NKIRAS1: variants seen among roughly 807,000 people sequenced by gnomAD.
NKIRAS1 encodes NF-kappa-B inhibitor-interacting Ras-like protein 1.
In NKIRAS1, 16 loss-of-function variants were observed where a neutral mutation model predicts 19.8. The ratio of observed to expected loss-of-function variants is 0.81; its 90% CI spans 0.55 to 1.23. The LOEUF (loss-of-function observed/expected upper bound fraction) is 1.23, where lower values mean the gene tolerates loss of function less well. NKIRAS1 is among the 50% of genes most tolerant of loss of function. The pLI, the probability that NKIRAS1 is intolerant of heterozygous loss-of-function variation, is 0.00. For missense variants in NKIRAS1, 184 were observed against 220.0 expected, an observed-to-expected ratio of 0.84 and a Z score of 1.04; for synonymous variants, 88 against 79.0, an observed-to-expected ratio of 1.11 and a Z score of -0.61.
At chr3:23,897,338 C>T (rs902245765) in intron 4 of NKIRAS1, among the ~76,000 whole-genome samples, 6 of 152,252 alleles carry the variant, frequency 3.9e-5, no homozygotes, top group Non-Finnish European at 7.4e-5. Flanking sequence ...GCTTAATGTA[C>T]AGGATCTTGG....
chr3:23,928,112 A>G (rs1366940239), intron 1 of NKIRAS1, among the ~76,000 whole-genome samples: 1 of 150,948 alleles, frequency 6.6e-6, no homozygotes, highest in Non-Finnish European at 1.5e-5. Flanking sequence ...ACACACACAC[A>G]CACACACACA....
chr3:23,924,018 A>T (rs1705163994), intron 1 of NKIRAS1: 1 of 152,166 alleles, frequency 6.6e-6, no homozygotes, highest in Non-Finnish European at 1.5e-5. Flanking sequence ...GGGTCATATT[A>T]CTTCCCTCCA....
At chr3:23,925,077 A>T (rs1432887793) in intron 1 of NKIRAS1, among the ~76,000 whole-genome samples, 1 of 152,024 alleles carries the variant, frequency 6.6e-6, no homozygotes, top group African/African-American at 2.4e-5. Flanking sequence ...TCCCATGGCT[A>T]CTCCTGGGTT....
chr3:23,909,110 T>G (rs189850181), intron 3 of NKIRAS1, among the ~76,000 whole-genome samples: 143 of 152,290 alleles, frequency 9.4e-4, no homozygotes, highest in Admixed American at 8.9e-3. Context: ...ACCAAAAAAT[T>G]TGAGAACTAC....
At position 23,893,189 on chromosome 3, in the gene NKIRAS1, G is replaced by T; in HGVS notation, c.485C>A (p.Thr162Asn). Residue 162 changes from threonine (T) to asparagine (N), a missense_variant, in exon 5 of 5, where the codon ACT (threonine) becomes AAT (asparagine). Thr to Asn is a moderately conservative substitution (Grantham distance 65). Transcript: ENST00000425478. ...TDRKTLIEPF[T>N]LLASKLSQPQ... is the part of the protein sequence containing the mutation. ...TTGAGAAAGTTTACTGGCTAATAAA[G>T]TGAATGGTTCAATCAGAGTTTTCCG... 2 of 1,613,860 alleles carry T rather than the reference G, an allele frequency of 1.2e-6. No individual in the cohort carries two copies. The highest frequency in any genetic ancestry group is 1.3e-5 in the African/African-American group (1 of 75,026).
chr3:23,894,406 G>A (rs1275413541), intron 4 of NKIRAS1, among the ~76,000 whole-genome samples: 1 of 152,186 alleles, frequency 6.6e-6, no homozygotes, highest in African/African-American at 2.4e-5. Context: ...GTAAGGCCAT[G>A]CCTTGCTGGC....
rs1701410199 is a variant in NKIRAS1, at chr3:23,890,982, A to G, written c.*2113T>C. 1 of 156,348 alleles carries G rather than the reference A, an allele frequency of 6.4e-6. No homozygotes were observed. Among genetic ancestry groups the G allele is most frequent in the Non-Finnish European group, 1.4e-5 (1 of 70,624 alleles). The allele number at this position is 156,348 out of a possible 1,614,324, so 9.7% of individuals were successfully genotyped here. On this transcript the variant is annotated 3_prime_UTR_variant, in exon 5 of 5. Coordinates refer to ENST00000425478, the MANE Select transcript of NKIRAS1 (RefSeq NM_020345.4). The stretch of plus-strand genomic sequence containing the variant: ...TAAGACTACATACTTTTTGTTTAAA[A>G]CAAAATTGGAATTTGTTTTCCCTTC...
intron 1 of NKIRAS1, among the ~76,000 whole-genome samples, chr3:23,935,045 C>T (rs942493555): frequency 6.6e-6 from 1 of 152,122 alleles, no homozygotes; most frequent in Non-Finnish European, 1.5e-5. Context: ...TTAAAGCTTT[C>T]TCAGTTCTTT....
In NKIRAS1 at chr3:23,893,201, A is replaced by G. The variant is rs2125343873; in HGVS notation, c.473T>C (p.Ile158Thr). The change falls in exon 5 of 5, where the codon ATT (isoleucine) becomes ACT (threonine). Residue 158 changes from isoleucine to threonine, a missense_variant. By Grantham distance (89) the Ile-to-Thr change is moderately conservative. Coordinates refer to ENST00000425478, the MANE Select transcript of NKIRAS1 (RefSeq NM_020345.4). Reference protein sequence around the residue: ...EVTVTDRKTLIEPFTLLASKL... With the variant: ...EVTVTDRKTLTEPFTLLASKL... ...ACTGGCTAATAAAGTGAATGGTTCA[A>G]TCAGAGTTTTCCGATCTGTAACAGT... 1 of 1,614,108 alleles carries G rather than the reference A, an allele frequency of 6.2e-7. No homozygotes were observed. The highest frequency in any genetic ancestry group is 8.5e-7 in the Non-Finnish European group (1 of 1,179,986).
rs1705211055 is a variant in NKIRAS1 at position 23,926,323 on chromosome 3, A to AAT, written c.-139-14874_-139-14873insAT. 6.6e-6 allele frequency among the ~76,000 whole-genome samples: 1 copy of AAT among 152,182 alleles called. No homozygotes were observed. Among genetic ancestry groups the AAT allele is most frequent in the African/African-American group, 2.4e-5 (1 of 41,430 alleles). ...TGCCTTGGACTCCCAAAGTGCTGGG[A>AAT]TTATAGGTATGAGCCATGGCGCCCG... On this transcript the variant is annotated intron_variant, in intron 1 of 4. Transcript: ENST00000421515. The surrounding 1 kb of genome is among the most constrained non-coding windows in gnomAD (Gnocchi z 4.3).
rs571471231 is a variant in NKIRAS1 at position 23,941,116 on chromosome 3, G to A, written c.-140+5207C>T. Among the ~76,000 whole-genome samples, 10 of 152,332 alleles carry A rather than the reference G, an allele frequency of 6.6e-5. No individual in the cohort carries two copies. In the South Asian group the frequency reaches 1.7e-3, roughly 25 times the overall value. ...GGGCATAGAAAAGGCAATTTAAGTGGCATGTTGTTTCGGTATTAGGAGCTA... is the reference window on the plus strand; with the variant it reads ...GGGCATAGAAAAGGCAATTTAAGTGACATGTTGTTTCGGTATTAGGAGCTA... On this transcript the variant is annotated intron_variant, in intron 1 of 4. Coordinates refer to the NKIRAS1 transcript ENST00000421515.
At chr3:23,938,618 T>TA (rs1705439442) in intron 1 of NKIRAS1, among the ~76,000 whole-genome samples, 1 of 152,214 alleles carries the variant, frequency 6.6e-6, no homozygotes, top group South Asian at 2.1e-4. Flanking sequence ...TGCAAGAATA[T>TA]ATTCCATCTC....
rs149147301 is a variant in NKIRAS1 at position 23,890,204 on chromosome 3, A to C, written c.*2891T>G. Reference sequence around the variant, plus strand: ...TGAAGCCTTGACCGTTCCAGTCTCTACTGAACTCAGCCTAACACATAAGAG... The same window carrying C: ...TGAAGCCTTGACCGTTCCAGTCTCTCCTGAACTCAGCCTAACACATAAGAG... On this transcript the variant is annotated 3_prime_UTR_variant, in exon 5 of 5. Coordinates refer to ENST00000425478, the MANE Select transcript of NKIRAS1 (RefSeq NM_020345.4). Among the ~76,000 whole-genome samples the C allele has an allele frequency of 6.6e-6, 1 of 152,128 alleles. No individual in the cohort carries two copies. Among genetic ancestry groups the C allele is most frequent in the Admixed American group, 6.5e-5 (1 of 15,274 alleles).
upstream of NKIRAS1, chr3:23,920,189 G>A (rs1339886028): frequency 1.2e-5 from 12 of 985,658 alleles, no homozygotes; most frequent in Admixed American, 5.5e-4. Flanking sequence ...CCTTTCAAGT[G>A]TGAGCTTAGA....
intron 1 of NKIRAS1, chr3:23,945,672 G>A: frequency 1.3e-6 from 1 of 776,726 alleles, no homozygotes. Flanking sequence ...GGGGGCGGCG[G>A]CAGGGGGTGT....
chr3:23,941,759 C>A (rs1017778027), intron 1 of NKIRAS1, among the ~76,000 whole-genome samples: 1 of 152,114 alleles, frequency 6.6e-6, no homozygotes, highest in African/African-American at 2.4e-5. Flanking sequence ...AGCTCTATAG[C>A]CTCTACTAGT....
chr3:23,906,624 A>C (rs1703087566), intron 3 of NKIRAS1, among the ~76,000 whole-genome samples: 1 of 151,566 alleles, frequency 6.6e-6, no homozygotes, highest in African/African-American at 2.4e-5. Context: ...ATAAATAGTA[A>C]ATATATTTTT....
chr3:23,920,808 G>C (rs1185371971), upstream of NKIRAS1: 1 of 952,144 alleles, frequency 1.1e-6, no homozygotes, highest in Admixed American at 6.2e-5. Flanking sequence ...TGTAGAGGTT[G>C]TTCAACTGAA....
At chr3:23,899,169 G>C (rs911200604) in intron 4 of NKIRAS1, among the ~76,000 whole-genome samples, 1 of 152,190 alleles carries the variant, frequency 6.6e-6, no homozygotes, top group African/African-American at 2.4e-5. Context: ...GGGTTAAGGT[G>C]GGGGTGAAGA....
Sources: allele counts gnomAD v4.1 joint callset (sites outside exome capture counted in the v4.1 genomes callset), GRCh38; gene constraint gnomAD v4.1.1; non-coding constraint Gnocchi (gnomAD v3.1); transcripts MANE v1.5; gene names NCBI Gene and HGNC (gene_info 2026-07-23, HGNC 2026-07-21).